The following NBAS variants were observed in gnomAD, a reference collection of about 807,000 sequenced individuals.
NBAS encodes the protein NBAS subunit of NRZ tethering complex, also known as NAG/BC035112 fusion.
NBAS carries 219 observed loss-of-function variants against 302.5 expected under a neutral mutation model. The ratio of observed to expected loss-of-function variants is 0.72; its 90% CI spans 0.65 to 0.81. The LOEUF (loss-of-function observed/expected upper bound fraction) is 0.81, where lower values mean the gene tolerates loss of function less well. Ranked by LOEUF, NBAS falls within the 30% of genes least tolerant of loss-of-function variation. NBAS has a pLI of 0.00. For synonymous variants in NBAS, 1,118 were observed against 1,021.6 expected, an observed-to-expected ratio of 1.09 and a Z score of -1.80; for missense variants, 2,932 against 2,841.6, an observed-to-expected ratio of 1.03 and a Z score of -0.72.
At chr2:15,118,566 A>C in the NBAS span, among the ~76,000 whole-genome samples, 15 of 152,162 alleles carry the variant, frequency 9.9e-5, no homozygotes, top group Non-Finnish European at 1.5e-5. Context: ...AAGGAGACCT[A>C]AGAGCTTCTG....
At chr2:15,185,968 C>T (rs538211055) in intron 50 of NBAS, among the ~76,000 whole-genome samples, 1 of 152,090 alleles carries the variant, frequency 6.6e-6, no homozygotes, top group South Asian at 2.1e-4. Flanking sequence ...AAATTTAAGA[C>T]ATGTAAATTA....
intron 36 of NBAS, among the ~76,000 whole-genome samples, chr2:15,329,360 C>T (rs1672217990): frequency 6.6e-6 from 1 of 152,144 alleles, no homozygotes; most frequent in Non-Finnish European, 1.5e-5. Context: ...ACCAGAAGGT[C>T]TAAAAAATAT....
At chr2:14,981,614 A>G in the NBAS span, among the ~76,000 whole-genome samples, 115 of 152,296 alleles carry the variant, frequency 7.6e-4, no homozygotes, top group Non-Finnish European at 1.4e-3. Flanking sequence ...GGGCTTGGCC[A>G]TACAACTGGG....
In NBAS at chr2:15,473,348, C is replaced by A; in HGVS notation, c.1600-1G>T. On this transcript the variant is annotated splice_acceptor_variant, in intron 15 of 51. Coordinates refer to ENST00000281513, the MANE Select transcript of NBAS (RefSeq NM_015909.4). LOFTEE classifies it high-confidence loss of function. The stretch of plus-strand genomic sequence containing the variant: ...CTTCCTCATACTCTTCACTTTCAAT[C>A]TTCAGATAAAAACACGAGGACAGGA... The A allele has an allele frequency of 6.2e-7, 1 of 1,613,678 alleles. No individual in the cohort carries two copies. Among genetic ancestry groups the A allele is most frequent in the Non-Finnish European group, 8.5e-7 (1 of 1,179,724 alleles).
intron 25 of NBAS, among the ~76,000 whole-genome samples, chr2:15,409,261 T>A (rs544837448): frequency 6.6e-6 from 1 of 152,206 alleles, no homozygotes; most frequent in Non-Finnish European, 1.5e-5. Flanking sequence ...TTAGAGTACA[T>A]CTAAATATAG....
chr2:14,896,648 A>ACAT, the NBAS span, among the ~76,000 whole-genome samples: 1 of 152,086 alleles, frequency 6.6e-6, no homozygotes, highest in African/African-American at 2.4e-5. Flanking sequence ...CACTGACTGT[A>ACAT]CATCAGTACT....
intron 25 of NBAS, among the ~76,000 whole-genome samples, chr2:15,405,507 A>G (rs1389232457): frequency 2.0e-5 from 3 of 152,114 alleles, no homozygotes; most frequent in African/African-American, 7.2e-5. Context: ...CCCTTTCTCA[A>G]GCTAAAAGAG....
the NBAS span, among the ~76,000 whole-genome samples, chr2:15,087,237 C>CAA: frequency 6.6e-6 from 1 of 150,742 alleles, no homozygotes; most frequent in African/African-American, 2.5e-5. Context: ...CACACACACA[C>CAA]ACACACACAC....
chr2:15,426,299 C>T (rs543649058), intron 22 of NBAS, among the ~76,000 whole-genome samples: 49 of 152,298 alleles, frequency 3.2e-4, no homozygotes, highest in Non-Finnish European at 6.5e-4. Context: ...CTTCACAAGA[C>T]TGTATCCCTA....
chr2:14,807,358 G>A, the NBAS span, among the ~76,000 whole-genome samples: 7 of 151,902 alleles, frequency 4.6e-5, no homozygotes, highest in Non-Finnish European at 1.0e-4. Context: ...CAAACTTCTT[G>A]TTTTTTCCAG....
At chr2:14,811,212 A>G in the NBAS span, among the ~76,000 whole-genome samples, 1 of 152,200 alleles carries the variant, frequency 6.6e-6, no homozygotes, top group Non-Finnish European at 1.5e-5. Flanking sequence ...GTTCCAGACC[A>G]GCCTTGGCAA....
At chr2:15,335,173 T>C (rs1311527207) in intron 35 of NBAS, among the ~76,000 whole-genome samples, 3 of 120,588 alleles carry the variant, frequency 2.5e-5, no homozygotes, top group East Asian at 2.1e-4. Context: ...CTCATCTCTC[T>C]TAAAAAAAAA....
the NBAS span, among the ~76,000 whole-genome samples, chr2:14,809,938 T>C: frequency 6.6e-6 from 1 of 152,188 alleles, no homozygotes; most frequent in Non-Finnish European, 1.5e-5. Context: ...ATTTTGGAGC[T>C]TTAAGATTTG....
intron 6 of NBAS, among the ~76,000 whole-genome samples, chr2:15,541,569 T>C (rs978220588): frequency 6.6e-6 from 1 of 152,062 alleles, no homozygotes; most frequent in East Asian, 1.9e-4. Flanking sequence ...AGGTTAAAAG[T>C]ATACAAAAAA....
the NBAS span, among the ~76,000 whole-genome samples, chr2:14,960,896 A>G: frequency 6.6e-6 from 1 of 152,102 alleles, no homozygotes; most frequent in African/African-American, 2.4e-5. Flanking sequence ...CCTGCTGTAT[A>G]TTGTTGTGTT....
At chr2:15,043,317 G>A in the NBAS span, among the ~76,000 whole-genome samples, 3 of 152,158 alleles carry the variant, frequency 2.0e-5, no homozygotes, top group African/African-American at 7.2e-5. Flanking sequence ...TAGTCCTGCT[G>A]CCTCCACCTT....
intron 44 of NBAS, among the ~76,000 whole-genome samples, chr2:15,254,609 C>T (rs1368243423): frequency 6.6e-6 from 1 of 152,148 alleles, no homozygotes; most frequent in Non-Finnish European, 1.5e-5. Flanking sequence ...AAAAGTCCTT[C>T]AGTGATGATT....
the NBAS span, among the ~76,000 whole-genome samples, chr2:14,910,661 C>T: frequency 6.6e-6 from 1 of 152,326 alleles, no homozygotes; most frequent in African/African-American, 2.4e-5. Flanking sequence ...TTGAGGCTGA[C>T]ATTTGGAACG....
chr2:15,392,650 G>C (rs1032598168), intron 28 of NBAS, among the ~76,000 whole-genome samples: 2 of 152,014 alleles, frequency 1.3e-5, no homozygotes, highest in Non-Finnish European at 2.9e-5. Flanking sequence ...AAAGACATCA[G>C]TGTTCATGGA....
Sources: allele counts gnomAD v4.1 joint callset (sites outside exome capture counted in the v4.1 genomes callset), GRCh38; gene constraint gnomAD v4.1.1; transcripts MANE v1.5; gene names NCBI Gene and HGNC (gene_info 2026-07-23, HGNC 2026-07-21).